The following SH3D19 variants were observed in gnomAD, a reference collection of about 807,000 sequenced individuals.
SH3D19 encodes SH3 domain containing 19.
Under a neutral mutation model 112.1 loss-of-function variants are expected in SH3D19, and 58 were observed. That is an observed-to-expected ratio of 0.52 (90% CI 0.42 to 0.64). SH3D19 has a LOEUF of 0.64. SH3D19 is among the 30% of genes least tolerant of loss of function. SH3D19 has a pLI of 0.00. For synonymous variants in SH3D19, 391 were observed against 448.5 expected (o/e 0.87, Z 1.62); for missense variants, 1,090 against 1,263.4 (o/e 0.86, Z 2.08).
At chr4:151,301,450 C>T (rs1297978569) in intron 1 of SH3D19, among the ~76,000 whole-genome samples, 1 of 152,188 alleles carries the variant, frequency 6.6e-6, no homozygotes. Context: ...TCATCACCAA[C>T]TCCCAACCTC....
chr4:151,132,201 T>C, intron 17 of SH3D19, 130 bp downstream of exon 17: 1 of 727,948 alleles, frequency 1.4e-6, no homozygotes, highest in Non-Finnish European at 2.3e-6. Context: ...ATCTAAGAAT[T>C]TATTACAAAC....
rs763895514 is a variant in SH3D19, at chr4:151,128,158, C to T, written c.2929+12G>A. 8.8e-5 allele frequency: 140 copies of T among 1,582,102 alleles called. 1 individual carries two copies. The highest frequency in any genetic ancestry group is 1.2e-4 in the South Asian group (10 of 85,512). On this transcript the variant is annotated intron_variant, in intron 18 of 19. Coordinates refer to ENST00000604030, the MANE Select transcript of SH3D19 (RefSeq NM_001378122.1). ...CGTGAGGAGTCGCATTCATGTCTTG[C>T]GGTTGTCATACCTGGGCAGGGCCTC...
chr4:151,274,416 A>G (rs1382888192), intron 1 of SH3D19, among the ~76,000 whole-genome samples: 1 of 152,210 alleles, frequency 6.6e-6, no homozygotes, highest in African/African-American at 2.4e-5. Context: ...ATATGAGGGT[A>G]CTTACCCCAA....
intron 1 of SH3D19, among the ~76,000 whole-genome samples, chr4:151,285,603 T>C (rs1341278240): frequency 6.6e-6 from 1 of 152,176 alleles, no homozygotes; most frequent in Non-Finnish European, 1.5e-5. Flanking sequence ...ATGCCTACGT[T>C]AAACAATATA....
chr4:151,160,462 C>G (rs188901088), intron 8 of SH3D19, among the ~76,000 whole-genome samples: 183 of 152,322 alleles, frequency 1.2e-3, no homozygotes, highest in Non-Finnish European at 2.0e-3. Context: ...ACCTTTACAT[C>G]CAAACCACAC....
intron 1 of SH3D19, among the ~76,000 whole-genome samples, chr4:151,273,133 T>C (rs1292657297): frequency 6.6e-6 from 1 of 152,194 alleles, no homozygotes; most frequent in Non-Finnish European, 1.5e-5. Context: ...CTTAGTTACA[T>C]CAGTAACTGA....
chr4:151,273,387 G>C (rs1420718296), intron 1 of SH3D19, among the ~76,000 whole-genome samples: 1 of 151,860 alleles, frequency 6.6e-6, no homozygotes, highest in Non-Finnish European at 1.5e-5. Flanking sequence ...TCAGGAGTTT[G>C]AGACCATCCT....
At chr4:151,156,313 GA>G (rs796449413) in intron 9 of SH3D19, among the ~76,000 whole-genome samples, 72 of 150,828 alleles carry the variant, frequency 4.8e-4, no homozygotes, top group African/African-American at 1.6e-3. Flanking sequence ...TACAAACAAA[GA>G]AAAAAAAATC....
At chr4:151,239,584 G>A (rs1770399049) in intron 1 of SH3D19, among the ~76,000 whole-genome samples, 1 of 152,150 alleles carries the variant, frequency 6.6e-6, no homozygotes, top group Non-Finnish European at 1.5e-5. Context: ...GTTTTGGGAG[G>A]GGTGGGAAGC....
intron 10 of SH3D19, among the ~76,000 whole-genome samples, chr4:151,149,056 A>G (rs895673347): frequency 1.3e-5 from 2 of 152,082 alleles, no homozygotes; most frequent in Non-Finnish European, 1.5e-5. Flanking sequence ...ATAAATAAAT[A>G]AATTTCAACA....
intron 2 of SH3D19, among the ~76,000 whole-genome samples, chr4:151,196,554 T>C (rs921766007): frequency 3.9e-5 from 6 of 152,178 alleles, no homozygotes; most frequent in African/African-American, 1.4e-4. Context: ...AATCTGCTAT[T>C]TATAGTATTA....
At chr4:151,296,118 T>C (rs1158299105) in intron 1 of SH3D19, among the ~76,000 whole-genome samples, 1 of 151,974 alleles carries the variant, frequency 6.6e-6, no homozygotes, top group Admixed American at 6.6e-5. Context: ...TTAAAAAAAT[T>C]AACAGGGAAT....
At chr4:151,286,783 G>A (rs1182552565) in intron 1 of SH3D19, among the ~76,000 whole-genome samples, 6 of 151,296 alleles carry the variant, frequency 4.0e-5, no homozygotes, top group African/African-American at 1.5e-4. Flanking sequence ...AGTTCGAGAC[G>A]AGCCTAGCAA....
intron 9 of SH3D19, 143 bp from the exon 10 acceptor site, chr4:151,149,704 C>A: frequency 1.5e-6 from 1 of 667,498 alleles, no homozygotes; most frequent in Admixed American, 2.9e-5. Context: ...AGTTTTCAGC[C>A]TTAAACAATA....
chr4:151,273,552 T>G (rs942612286), intron 1 of SH3D19, among the ~76,000 whole-genome samples: 3 of 127,116 alleles, frequency 2.4e-5, no homozygotes, highest in African/African-American at 9.3e-5. Context: ...ATTACGCCAC[T>G]GCACTCCAGC....
intron 9 of SH3D19, among the ~76,000 whole-genome samples, chr4:151,152,295 T>C (rs1755189475): frequency 6.6e-6 from 1 of 152,204 alleles, no homozygotes; most frequent in Non-Finnish European, 1.5e-5. Flanking sequence ...ATTCCACACA[T>C]AACCTCAAGG....
intron 1 of SH3D19, among the ~76,000 whole-genome samples, chr4:151,272,321 A>C (rs1218200361): frequency 2.0e-5 from 3 of 152,212 alleles, no homozygotes; most frequent in Non-Finnish European, 4.4e-5. Context: ...GCTTAAGGTA[A>C]TAAGGTAATA....
Position 151,159,239 on chromosome 4 carries a change from C to T in SH3D19, c.1755+1G>A, listed in dbSNP as rs1756717133. 2.0e-6 allele frequency: 3 copies of T among 1,502,662 alleles called. No individual in the cohort carries two copies. Among genetic ancestry groups the T allele is most frequent in the Non-Finnish European group, 2.7e-6 (3 of 1,124,076 alleles). The allele number at this position is 1,502,662 out of a possible 1,614,324, so 93.1% of individuals were successfully genotyped here. Reference sequence around the variant, plus strand: ...TAGTACAATCTATAATGACCACTTACCAAGTTTCTAGTTCTCTCAACATTA... The same window carrying T: ...TAGTACAATCTATAATGACCACTTATCAAGTTTCTAGTTCTCTCAACATTA... On this transcript the variant is annotated splice_donor_variant, in intron 9 of 19. Coordinates refer to ENST00000604030, the MANE Select transcript of SH3D19 (RefSeq NM_001378122.1). LOFTEE classifies it high-confidence loss of function.
chr4:151,179,230 A>G, intron 4 of SH3D19, 125 bp downstream of exon 4: 1 of 478,898 alleles, frequency 2.1e-6, no homozygotes. Flanking sequence ...CAGGAGATAT[A>G]TTGATGAAGC....
Sources: allele counts gnomAD v4.1 joint callset (sites outside exome capture counted in the v4.1 genomes callset), GRCh38; gene constraint gnomAD v4.1.1; transcripts MANE v1.5; gene names NCBI Gene and HGNC (gene_info 2026-07-23, HGNC 2026-07-21).